Variants in TRAP1 observed in about 807,000 individuals in gnomAD.
The protein encoded by TRAP1 is heat shock protein 75 kDa, mitochondrial.
A neutral mutation model predicts 89.1 loss-of-function variants in TRAP1; 102 were observed. That is an observed-to-expected ratio of 1.15 (90% confidence interval 0.98 to 1.35). The LOEUF (loss-of-function observed/expected upper bound fraction) is 1.35, where lower values mean the gene tolerates loss of function less well. Ranked by LOEUF, TRAP1 falls within the 40% of genes most tolerant of loss-of-function variation. TRAP1 has a pLI of 0.00. For synonymous variants in TRAP1, 508 were observed against 388.0 expected (o/e 1.31, Z -3.64); for missense variants, 1,256 against 945.3 (o/e 1.33, Z -4.31).
rs929848530 is a variant in TRAP1 at position 3,670,877 on chromosome 16, T to C, written c.1235+845A>G. ...ACACTGCCCACCATCTCCCCAGACC[T>C]GCTCCTGCCCGCGGCACAGGACAGA... On this transcript the variant is annotated intron_variant, in intron 11 of 17. Transcript: ENST00000246957. 4.6e-5 allele frequency among the ~76,000 whole-genome samples: 7 copies of C among 151,816 alleles called. No individual in the cohort carries two copies. The East Asian group carries it at 9.8e-4, about 21-fold the overall frequency.
intron 16 of TRAP1, chr16:3,661,701 G>T: frequency 2.8e-6 from 1 of 360,604 alleles, no homozygotes; most frequent in Non-Finnish European, 5.0e-6. Context: ...GCAAAACTGA[G>T]CATGTCCAGG....
chr16:3,694,837 A>G (rs1402973833), intron 1 of TRAP1, among the ~76,000 whole-genome samples: 1 of 151,966 alleles, frequency 6.6e-6, no homozygotes, highest in Non-Finnish European at 1.5e-5. Context: ...CGTGGCACAA[A>G]CCCGGTAGCT....
intron 1 of TRAP1, among the ~76,000 whole-genome samples, chr16:3,698,517 T>C (rs1285744135): frequency 2.0e-5 from 3 of 151,924 alleles, no homozygotes; most frequent in Non-Finnish European, 2.9e-5. Context: ...TTAGCCAGGA[T>C]GGTCTTGATC....
At chr16:3,658,688 A>G in intron 17 of TRAP1, 105 bp downstream of exon 17, 1 of 1,169,798 alleles carries the variant, frequency 8.5e-7, no homozygotes, top group Non-Finnish European at 1.2e-6. Context: ...CAAACAAACA[A>G]ACAAAAAGAC....
chr16:3,680,717 A>AG (rs1567233447), intron 4 of TRAP1, among the ~76,000 whole-genome samples: 1 of 152,160 alleles, frequency 6.6e-6, no homozygotes, highest in Non-Finnish European at 1.5e-5. Flanking sequence ...TGGCACTGGG[A>AG]GGGGGGCCTT....
At chr16:3,671,098 A>C (rs988628312) in intron 11 of TRAP1, among the ~76,000 whole-genome samples, 1 of 152,144 alleles carries the variant, frequency 6.6e-6, no homozygotes, top group African/African-American at 2.4e-5. Flanking sequence ...GGCATGCTGC[A>C]CGTGGTGGGC....
intron 11 of TRAP1, among the ~76,000 whole-genome samples, chr16:3,669,832 C>CAAAAAAAAAAA (rs59256364): frequency 3.0e-5 from 2 of 66,156 alleles, no homozygotes; most frequent in African/African-American, 4.3e-5. Flanking sequence ...GACTCCGTCT[C>CAAAAAAAAAAA]AAAAAAAAAA....
chr16:3,666,412 TC>T (rs2050830895), intron 11 of TRAP1, among the ~76,000 whole-genome samples: 1 of 152,020 alleles, frequency 6.6e-6, no homozygotes, highest in Non-Finnish European at 1.5e-5. Flanking sequence ...AGCCAGTTGT[TC>T]CAATTATAGG....
chr16:3,678,824 C>T (rs904617759), intron 5 of TRAP1, among the ~76,000 whole-genome samples: 7 of 152,252 alleles, frequency 4.6e-5, no homozygotes, highest in South Asian at 2.1e-4. Context: ...TGGAAAAGGG[C>T]GACCGCTGGA....
chr16:3,663,297 G>T (rs2050731082), intron 14 of TRAP1, 127 bp downstream of exon 14: 11 of 1,276,516 alleles, frequency 8.6e-6, no homozygotes, highest in Non-Finnish European at 1.1e-5. Flanking sequence ...CTCCCACAAG[G>T]CTCTTCTCGG....
chr16:3,674,245 C>T, intron 9 of TRAP1, 94 bp downstream of exon 9: 1 of 1,510,568 alleles, frequency 6.6e-7, no homozygotes, highest in Non-Finnish European at 9.0e-7. Context: ...CATGCCCTCA[C>T]ACTGCCATGT....
intron 1 of TRAP1, among the ~76,000 whole-genome samples, chr16:3,700,882 G>C (rs1241591387): frequency 6.6e-6 from 1 of 152,076 alleles, no homozygotes; most frequent in African/African-American, 2.4e-5. Context: ...CATTGATAAG[G>C]AAAGGAAAAA....
At chr16:3,665,320 A>G (rs2050806394) in intron 12 of TRAP1, 3 of 152,246 alleles carry the variant, frequency 2.0e-5, no homozygotes. Context: ...GGCTCCTGGG[A>G]TGAAATGTTC....
intron 7 of TRAP1, among the ~76,000 whole-genome samples, chr16:3,675,661 G>A (rs117921780): frequency 6.6e-6 from 1 of 152,196 alleles, no homozygotes; most frequent in Non-Finnish European, 1.5e-5. Context: ...CTGGAACATG[G>A]CTTTCTGGGC....
intron 11 of TRAP1, among the ~76,000 whole-genome samples, chr16:3,670,407 A>G (rs2050897199): frequency 6.7e-6 from 1 of 148,850 alleles, no homozygotes. Context: ...AAAAAAAAAA[A>G]AAAATCTAAG....
rs552233717 is a variant in TRAP1, at chr16:3,663,818, A to G, written c.1570-256T>C. On this transcript the variant is annotated intron_variant, in intron 13 of 17. Transcript: ENST00000246957. ...GCTGAGTGCAGTGGCTCACGCCTGT[A>G]ATCCCAGCACTTTGGGAGGCCAAAG... 6.1e-6 allele frequency: 3 copies of G among 493,180 alleles called. No individual in the cohort carries two copies. In the East Asian group the frequency reaches 1.1e-4, roughly 18 times the overall value. The allele number at this position is 493,180 out of a possible 1,614,324, so 30.6% of individuals were successfully genotyped here.
At position 3,664,229 on chromosome 16, in the gene TRAP1, C is replaced by A. The variant is rs753159652; in HGVS notation, c.1569+45G>T. ...AGAGCTGAGAAGGTCAAGACCCTCC[C>A]CAGGTTGCAGCCCCCGGAGCCCGCC... On this transcript the variant is annotated intron_variant, in intron 13 of 17. Coordinates refer to ENST00000246957, the MANE Select transcript of TRAP1 (RefSeq NM_016292.3). 183 of 1,493,214 alleles carry A rather than the reference C, an allele frequency of 1.2e-4. 1 individual carries two copies. In the South Asian group the frequency reaches 2.2e-3, roughly 18 times the overall value. The allele number at this position is 1,493,214 out of a possible 1,614,324, so 92.5% of individuals were successfully genotyped here. A position where few individuals can be genotyped will look rare whatever the true frequency, so the allele number is the denominator to read the frequency against.
At chr16:3,706,559 G>C (rs139793812) in intron 1 of TRAP1, among the ~76,000 whole-genome samples, 15 of 146,756 alleles carry the variant, frequency 1.0e-4, no homozygotes, top group Admixed American at 2.8e-4. Context: ...TCCTGGGCTC[G>C]AGCAATTCTC....
chr16:3,674,234 T>C, intron 9 of TRAP1, 105 bp downstream of exon 9: 3 of 1,462,040 alleles, frequency 2.1e-6, no homozygotes, highest in Non-Finnish European at 2.8e-6. Flanking sequence ...CCTATGTTTT[T>C]CATGCCCTCA....
Sources: allele counts gnomAD v4.1 joint callset (sites outside exome capture counted in the v4.1 genomes callset), GRCh38; gene constraint gnomAD v4.1.1; transcripts MANE v1.5; gene names NCBI Gene and HGNC (gene_info 2026-07-23, HGNC 2026-07-21).